FHIT: variants seen among roughly 807,000 people sequenced by gnomAD.
FHIT encodes fragile histidine triad diadenosine triphosphatase.
FHIT carries 19 observed loss-of-function variants against 17.9 expected under a neutral mutation model. The ratio of observed to expected loss-of-function variants is 1.06; its 90% CI spans 0.74 to 1.56. The LOEUF (loss-of-function observed/expected upper bound fraction) is 1.56, where lower values mean the gene tolerates loss of function less well. FHIT is among the 40% of genes most tolerant of loss of function. The pLI is 0.00. For missense variants in FHIT, 248 were observed against 189.2 expected, an observed-to-expected ratio of 1.31 and a Z score of -1.82; for synonymous variants, 81 against 69.7, an observed-to-expected ratio of 1.16 and a Z score of -0.81.
chr3:61,244,168 TAAAC>T (rs2040434160), intron 1 of FHIT: 1 of 151,878 alleles, frequency 6.6e-6, no homozygotes, highest in African/African-American at 2.4e-5. Flanking sequence ...ATGTAAAAAA[TAAAC>T]AAACAAAAGA....
At chr3:61,194,702 G>A (rs1374932972) in intron 2 of FHIT, among the ~76,000 whole-genome samples, 1 of 152,132 alleles carries the variant, frequency 6.6e-6, no homozygotes, top group African/African-American at 2.4e-5. Flanking sequence ...ACTTTAAAGA[G>A]TTGAGATTCC....
intron 8 of FHIT, among the ~76,000 whole-genome samples, chr3:59,864,723 C>T (rs902489396): frequency 3.3e-5 from 5 of 151,196 alleles, no homozygotes; most frequent in African/African-American, 7.3e-5. Flanking sequence ...CTGCACACAA[C>T]GTGGGCCTCT....
At chr3:60,746,204 G>A (rs2042352962) in intron 4 of FHIT, among the ~76,000 whole-genome samples, 1 of 152,184 alleles carries the variant, frequency 6.6e-6, no homozygotes, top group Non-Finnish European at 1.5e-5. Context: ...GTCCACAGGA[G>A]AGTAAGCAGC....
At chr3:60,531,979 G>T (rs1319373641) in intron 5 of FHIT, among the ~76,000 whole-genome samples, 1 of 152,180 alleles carries the variant, frequency 6.6e-6, no homozygotes, top group African/African-American at 2.4e-5. Flanking sequence ...TGTTCTTAAA[G>T]TTACCTAGTC....
intron 5 of FHIT, among the ~76,000 whole-genome samples, chr3:60,316,870 G>A (rs1406907285): frequency 1.3e-5 from 2 of 152,166 alleles, no homozygotes; most frequent in Non-Finnish European, 2.9e-5. Flanking sequence ...GCAATGTAGT[G>A]TGGTCTGAGG....
intron 8 of FHIT, among the ~76,000 whole-genome samples, chr3:59,833,801 T>C (rs1457852482): frequency 6.6e-6 from 1 of 152,108 alleles, no homozygotes; most frequent in African/African-American, 2.4e-5. Flanking sequence ...GGTGATTGGA[T>C]CAGGGGGACA....
chr3:60,253,237 A>T (rs902951550), intron 5 of FHIT, among the ~76,000 whole-genome samples: 6 of 152,350 alleles, frequency 3.9e-5, no homozygotes, highest in Middle Eastern at 3.4e-3. Context: ...GAAGGCTATC[A>T]TTAGTATATC....
intron 5 of FHIT, among the ~76,000 whole-genome samples, chr3:60,347,713 T>C (rs1710863220): frequency 6.6e-6 from 1 of 151,708 alleles, no homozygotes; most frequent in Non-Finnish European, 1.5e-5. Context: ...TTGTTTTGTT[T>C]TGTACACACT....
intron 4 of FHIT, among the ~76,000 whole-genome samples, chr3:60,693,123 T>C (rs1351250963): frequency 1.3e-5 from 2 of 152,206 alleles, no homozygotes; most frequent in African/African-American, 4.8e-5. Flanking sequence ...TTCTTGAGTA[T>C]TTTTATAGAA....
intron 4 of FHIT, among the ~76,000 whole-genome samples, chr3:60,665,299 G>A (rs546621480): frequency 6.6e-6 from 1 of 152,104 alleles, no homozygotes; most frequent in Non-Finnish European, 1.5e-5. Flanking sequence ...TCTATTTGCT[G>A]ATTGTGATGG....
intron 3 of FHIT, among the ~76,000 whole-genome samples, chr3:60,860,371 A>G (rs1703649192): frequency 6.9e-6 from 1 of 145,632 alleles, no homozygotes; most frequent in Non-Finnish European, 1.5e-5. Context: ...CATACATCAT[A>G]TGTATACATG....
chr3:60,755,323 C>A (rs978627601), intron 4 of FHIT, among the ~76,000 whole-genome samples: 1 of 152,224 alleles, frequency 6.6e-6, no homozygotes, highest in East Asian at 1.9e-4. Context: ...AAGGGGGCAG[C>A]AGCCAGTCAG....
chr3:60,910,580 T>G (rs1004799442), intron 3 of FHIT, among the ~76,000 whole-genome samples: 1 of 151,708 alleles, frequency 6.6e-6, no homozygotes, highest in African/African-American at 2.4e-5. Context: ...CCCGGCTAAT[T>G]TTTTGTATTT....
intron 4 of FHIT, among the ~76,000 whole-genome samples, chr3:60,722,089 T>A (rs964721700): frequency 6.6e-6 from 1 of 152,172 alleles, no homozygotes; most frequent in Non-Finnish European, 1.5e-5. Flanking sequence ...AGAGATGATA[T>A]GGTCAGGAAT....
intron 7 of FHIT, among the ~76,000 whole-genome samples, chr3:59,965,976 A>G (rs1002353090): frequency 6.6e-6 from 1 of 152,164 alleles, no homozygotes; most frequent in Non-Finnish European, 1.5e-5. Flanking sequence ...AGGCCTTTCT[A>G]GACTGGATGA....
intron 2 of FHIT, among the ~76,000 whole-genome samples, chr3:61,104,542 G>A (rs2035934936): frequency 6.6e-6 from 1 of 152,088 alleles, no homozygotes; most frequent in Admixed American, 6.6e-5. Context: ...ACGATTATGT[G>A]TTTTGGGGAT....
At chr3:59,887,401 A>C (rs1044456710) in intron 8 of FHIT, among the ~76,000 whole-genome samples, 2 of 152,182 alleles carry the variant, frequency 1.3e-5, no homozygotes, top group African/African-American at 4.8e-5. Flanking sequence ...TTTTAAACTC[A>C]TCTTTATTAA....
chr3:60,444,496 A>G (rs1487078284), intron 5 of FHIT, among the ~76,000 whole-genome samples: 1 of 152,232 alleles, frequency 6.6e-6, no homozygotes, highest in Non-Finnish European at 1.5e-5. Context: ...TATATATACC[A>G]TGGAATACTA....
chr3:60,419,132 A>G (rs886521274), intron 5 of FHIT, among the ~76,000 whole-genome samples: 16 of 152,162 alleles, frequency 1.1e-4, no homozygotes, highest in African/African-American at 3.4e-4. Context: ...GCCTCAAATC[A>G]TATCTACCAC....
Sources: allele counts gnomAD v4.1 joint callset (sites outside exome capture counted in the v4.1 genomes callset), GRCh38; gene constraint gnomAD v4.1.1; transcripts MANE v1.5; gene names NCBI Gene and HGNC (gene_info 2026-07-23, HGNC 2026-07-21).